The following PCDHGB1 variants were observed in gnomAD, a reference collection of about 807,000 sequenced individuals.
The protein encoded by PCDHGB1 is protocadherin gamma subfamily B, 1.
Under a neutral mutation model 56.6 loss-of-function variants are expected in PCDHGB1, and 34 were observed. That is an observed-to-expected ratio of 0.60 (90% confidence interval 0.46 to 0.80). PCDHGB1 has a LOEUF of 0.80. Among genes scored for constraint, PCDHGB1 ranks in the 30% least tolerant of loss-of-function variants. The pLI is 0.00. For synonymous variants in PCDHGB1, 561 were observed against 505.9 expected (o/e 1.11, Z -1.46); for missense variants, 1,278 against 1,204.6 (o/e 1.06, Z -0.90).
At position 141,486,383 on chromosome 5, in the gene PCDHGB1, C is replaced by A. The variant is rs757384186; in HGVS notation, c.2410-8424C>A. On this transcript the variant is annotated intron_variant, in intron 1 of 3. Transcript: ENST00000523390. The surrounding 1 kb of genome is among the most constrained non-coding windows in gnomAD (Gnocchi z 5.0). ...TGCCCTCAAGTCTGCCTTCAGGAAC[C>A]AGTTCTCCCTGGTGACTGCTGGACC... The A allele has an allele frequency of 6.2e-7, 1 of 1,614,040 alleles. No homozygotes were observed. Among genetic ancestry groups the A allele is most frequent in the East Asian group, 2.2e-5 (1 of 44,884 alleles).
In PCDHGB1 at chr5:141,512,088, A is replaced by G. The variant is rs192947391; in HGVS notation, c.*915A>G. 2.6e-5 allele frequency: 4 copies of G among 152,772 alleles called. No individual in the cohort carries two copies. Among genetic ancestry groups the G allele is most frequent in the Admixed American group, 6.5e-5 (1 of 15,306 alleles). 9.5% of individuals were successfully genotyped at this position (152,772 alleles called of 1,614,324 possible). On this transcript the variant is annotated 3_prime_UTR_variant, in exon 4 of 4. Transcript: ENST00000523390. ...TCCTCCAGATTCCAGCCATAAACCAATAACTAGGCTGGACCCTTCCCACTA... is the reference window on the plus strand; with the variant it reads ...TCCTCCAGATTCCAGCCATAAACCAGTAACTAGGCTGGACCCTTCCCACTA...
At chr5:141,410,995 T>A in intron 1 of PCDHGB1, 1 of 174,388 alleles carries the variant, frequency 5.7e-6, no homozygotes, top group South Asian at 1.4e-4. Flanking sequence ...CTGGGATTAC[T>A]GGTGCCCCTC....
chr5:141,460,507 G>A (rs2098991001), intron 1 of PCDHGB1, among the ~76,000 whole-genome samples: 1 of 152,036 alleles, frequency 6.6e-6, no homozygotes. Context: ...ATGCTGAGAA[G>A]GCTATCTTTT....
rs367939205 is a variant in PCDHGB1 at position 141,383,529 on chromosome 5, G to A, written c.2409+30860G>A. ...GGGAGGAAGAGCGGGTTCACCACCT[G>A]GTCCTCACAGCCTCTGATGGCGGCG... On this transcript the variant is annotated intron_variant, in intron 1 of 3. Transcript: ENST00000523390. The A allele has an allele frequency of 3.0e-5, 48 of 1,612,474 alleles. No homozygotes were observed. The African/African-American group carries it at 5.7e-4, about 19-fold the overall frequency.
chr5:141,418,618 A>T, intron 1 of PCDHGB1: 5 of 1,614,046 alleles, frequency 3.1e-6, no homozygotes, highest in Non-Finnish European at 4.2e-6. Context: ...GCCTTCGGGA[A>T]GACGTGCCTC....
intron 1 of PCDHGB1, chr5:141,382,881 C>G (rs780011802): frequency 6.5e-7 from 1 of 1,527,170 alleles, no homozygotes; most frequent in South Asian, 1.3e-5. Context: ...GGCGCCTAAG[C>G]AAGAGAAGCA....
In PCDHGB1 at chr5:141,447,157, T is replaced by A. The variant is rs569196292; in HGVS notation, c.2410-47650T>A. On this transcript the variant is annotated intron_variant, in intron 1 of 3. Transcript: ENST00000523390. The stretch of plus-strand genomic sequence containing the variant: ...TTTGTTTTTTGTTTTTGTTTTTGTT[T>A]AAGCGGGGTCTTGCTCTTGTCGCGC... Among the ~76,000 whole-genome samples the A allele has an allele frequency of 4.1e-4, 62 of 152,254 alleles. No homozygotes were observed. The South Asian group carries it at 0.013, about 31-fold the overall frequency.
chr5:141,432,374 C>A lies in PCDHGB1; in HGVS notation c.2410-62433C>A. 2.5e-6 allele frequency: 4 copies of A among 1,614,240 alleles called. No individual in the cohort carries two copies. Among genetic ancestry groups the A allele is most frequent in the Non-Finnish European group, 3.4e-6 (4 of 1,180,042 alleles). On this transcript the variant is annotated intron_variant, in intron 1 of 3. Coordinates refer to ENST00000523390, the MANE Select transcript of PCDHGB1 (RefSeq NM_018922.3). This position sits in a 1 kb window ranked among gnomAD's most constrained non-coding sequence, Gnocchi z 6.0. ...GAAAGTGATGGCGCGGGACAACGGG[C>A]ACCCGCCCCTCAGCAGCAACGTGTC...
chr5:141,352,464 T>C lies in PCDHGB1; in HGVS notation c.2204T>C (p.Val735Ala). The C allele has an allele frequency of 6.2e-7, 1 of 1,613,988 alleles. No individual in the cohort carries two copies. Among genetic ancestry groups the C allele is most frequent in the East Asian group, 2.2e-5 (1 of 44,868 alleles). ...CTCTGCTCCAAGTCTGGGCCCGGGG[T>C]TCCTCCCAACCACAGCGAGGGGACT... ...TGLCSKSGPG[V>A]PPNHSEGTLP... The change falls in exon 1 of 4, where the codon GTT (valine) becomes GCT (alanine). Residue 735 changes from valine (V) to alanine (A), a missense_variant. Val to Ala is a moderately conservative substitution (Grantham distance 64). Coordinates refer to ENST00000523390, the MANE Select transcript of PCDHGB1 (RefSeq NM_018922.3).
At chr5:141,393,314 C>T (rs2150518180) in intron 1 of PCDHGB1, 1 of 1,613,076 alleles carries the variant, frequency 6.2e-7, no homozygotes, top group Non-Finnish European at 8.5e-7. Flanking sequence ...TGAACTCCCT[C>T]CAGAGCTACC....
intron 1 of PCDHGB1, among the ~76,000 whole-genome samples, chr5:141,369,555 A>C (rs1302531724): frequency 6.6e-6 from 1 of 152,218 alleles, no homozygotes; most frequent in Non-Finnish European, 1.5e-5. Flanking sequence ...AGACACTTGG[A>C]AACAAAGGAA....
rs544860780 is a variant in PCDHGB1 at position 141,406,543 on chromosome 5, C to G, written c.2409+53874C>G. On this transcript the variant is annotated intron_variant, in intron 1 of 3. Transcript: ENST00000523390. ...AGATATTTTCTGACGAAGATTCAAA[C>G]TTCAGTTATCCACTTCCAAACCCTA... is the stretch of plus-strand genomic sequence containing the variant. Among the ~76,000 whole-genome samples, 16 of 152,288 alleles carry G rather than the reference C, an allele frequency of 1.1e-4. 1 individual carries two copies. The South Asian group carries it at 2.9e-3, about 28-fold the overall frequency.
Position 141,432,732 on chromosome 5 carries a change from T to G in PCDHGB1, c.2410-62075T>G, listed in dbSNP as rs1300743675. 2.5e-6 allele frequency: 4 copies of G among 1,613,940 alleles called. No individual in the cohort carries two copies. Among genetic ancestry groups the G allele is most frequent in the Non-Finnish European group, 3.4e-6 (4 of 1,179,992 alleles). On this transcript the variant is annotated intron_variant, in intron 1 of 3. Coordinates refer to ENST00000523390, the MANE Select transcript of PCDHGB1 (RefSeq NM_018922.3). This position sits in a 1 kb window ranked among gnomAD's most constrained non-coding sequence, Gnocchi z 6.0. ...GGCCAGCCCCCTCTCTCCGCCACTG[T>G]CACGCTCACCGTGGCCGTGGCCGAC...
chr5:141,365,633 G>A (rs920081153), intron 1 of PCDHGB1: 2 of 1,613,410 alleles, frequency 1.2e-6, no homozygotes, highest in Non-Finnish European at 1.7e-6. Context: ...CCTCTCTACA[G>A]AAAGCCACAT....
At chr5:141,410,254 C>G in intron 1 of PCDHGB1, 1 of 1,614,020 alleles carries the variant, frequency 6.2e-7, no homozygotes, top group Non-Finnish European at 8.5e-7. Flanking sequence ...TCTCTGACCC[C>G]CAGGCTGAAC....
intron 1 of PCDHGB1, chr5:141,399,883 A>C: frequency 6.2e-7 from 1 of 1,612,718 alleles, no homozygotes; most frequent in South Asian, 1.1e-5. Flanking sequence ...CCTGGTGACC[A>C]AGGTAGTGGC....
intron 1 of PCDHGB1, chr5:141,393,065 G>C (rs980151183): frequency 6.2e-7 from 1 of 1,613,646 alleles, no homozygotes; most frequent in African/African-American, 1.3e-5. Context: ...GCGGCAGCTT[G>C]ATCACCGCGG....
chr5:141,427,530 T>C (rs1302316196), intron 1 of PCDHGB1: 3 of 619,732 alleles, frequency 4.8e-6, no homozygotes, highest in Non-Finnish European at 9.0e-6. Context: ...GATCCCGGAG[T>C]ACAACGTCAC....
chr5:141,356,393 A>G (rs771004657), intron 1 of PCDHGB1: 9 of 1,578,652 alleles, frequency 5.7e-6, no homozygotes, highest in South Asian at 2.3e-5. Flanking sequence ...GAAAAGACCT[A>G]TGGAAATTAT....
Sources: gnomAD v4.1 joint callset for allele counts (sites outside exome capture counted in the v4.1 genomes callset) on GRCh38, gnomAD v4.1.1 for gene constraint, Gnocchi (gnomAD v3.1) non-coding constraint, MANE v1.5 for transcripts, NCBI Gene and HGNC (gene_info 2026-07-23, HGNC 2026-07-21) for gene names.